Variants in RNF220 observed in about 807,000 individuals in gnomAD.
The protein encoded by RNF220 is E3 ubiquitin-protein ligase RNF220.
A neutral mutation model predicts 67.1 loss-of-function variants in RNF220; 7 were observed. That is an observed-to-expected ratio of 0.10 (90% confidence interval 0.06 to 0.20). The LOEUF (loss-of-function observed/expected upper bound fraction) is 0.20. Ranked by LOEUF, RNF220 falls within the 10% of genes least tolerant of loss-of-function variation. RNF220 has a pLI of 1.00. For missense variants in RNF220, 565 were observed against 740.3 expected (o/e 0.76, Z 2.75); for synonymous variants, 270 against 283.2 (o/e 0.95, Z 0.47).
At chr1:44,429,769 T>C (rs927850832) in intron 2 of RNF220, among the ~76,000 whole-genome samples, 2 of 152,230 alleles carry the variant, frequency 1.3e-5, no homozygotes, top group Admixed American at 1.3e-4. Flanking sequence ...TTGGTAGGCC[T>C]ATAAGGCAGC....
At chr1:44,504,345 C>T (rs1658218670) in intron 2 of RNF220, among the ~76,000 whole-genome samples, 1 of 152,170 alleles carries the variant, frequency 6.6e-6, no homozygotes, top group African/African-American at 2.4e-5. Context: ...GGCTAATCTG[C>T]CCAAGGATGT....
chr1:44,551,676 C>G (rs1174377562), intron 2 of RNF220, among the ~76,000 whole-genome samples: 1 of 152,094 alleles, frequency 6.6e-6, no homozygotes, highest in African/African-American at 2.4e-5. Flanking sequence ...ATTTGATTAG[C>G]CAAAGGGGAA....
At chr1:44,571,104 A>AT (rs1486560535) in intron 2 of RNF220, among the ~76,000 whole-genome samples, 2 of 151,922 alleles carry the variant, frequency 1.3e-5, no homozygotes, top group Admixed American at 6.6e-5. Flanking sequence ...ATCAGATTAT[A>AT]TTACTGCTCT....
intron 2 of RNF220, among the ~76,000 whole-genome samples, chr1:44,491,391 T>G (rs993425113): frequency 1.3e-5 from 2 of 152,182 alleles, no homozygotes; most frequent in African/African-American, 4.8e-5. Context: ...AAAAAAATTA[T>G]ATACTGTGAC....
Position 44,517,978 on chromosome 1 carries a change from G to A in RNF220, c.626-96187G>A, listed in dbSNP as rs148977492. Among the ~76,000 whole-genome samples, 1,250 of 152,192 alleles carry A rather than the reference G, an allele frequency of 8.2e-3. 10 individuals are homozygous for A. The highest frequency in any genetic ancestry group is 0.014 in the Non-Finnish European group (935 of 68,016). On this transcript the variant is annotated intron_variant, in intron 2 of 14. Transcript: ENST00000361799. Reference sequence around the variant, plus strand: ...AAAAATTAGCTGGGTATAGTGGTGCGCACCTGTAATTCCAGCTACTTGGGA... The same window carrying A: ...AAAAATTAGCTGGGTATAGTGGTGCACACCTGTAATTCCAGCTACTTGGGA...
intron 2 of RNF220, among the ~76,000 whole-genome samples, chr1:44,524,211 T>C (rs1460240522): frequency 1.3e-5 from 2 of 152,020 alleles, no homozygotes; most frequent in South Asian, 2.1e-4. Context: ...GTCTAGAGCC[T>C]GGTATGTGAC....
Position 44,649,891 on chromosome 1 carries a change from C to T in RNF220, c.1563C>T (p.Tyr521=), listed in dbSNP as rs756694567. 11 of 1,613,966 alleles carry T rather than the reference C, an allele frequency of 6.8e-6. No homozygotes were observed. Among genetic ancestry groups the T allele is most frequent in the Non-Finnish European group, 8.5e-6 (10 of 1,179,970 alleles). The change falls in exon 14 of 15, where the codon TAC becomes TAT. Residue 521 remains tyrosine (Y), a synonymous_variant. Transcript: ENST00000361799. The surrounding 1 kb of genome is among the most constrained non-coding windows in gnomAD (Gnocchi z 5.9). ...RYKCLICMDS[Y]SMPLTSIQCW... ...TGCCCCCTCCTCCCTAGGACTCGTA[C>T]TCGATGCCCCTAACGTCCATCCAGT...
chr1:44,550,310 G>A (rs1240836128), intron 2 of RNF220, among the ~76,000 whole-genome samples: 1 of 152,226 alleles, frequency 6.6e-6, no homozygotes, highest in Non-Finnish European at 1.5e-5. Flanking sequence ...AGAGGCAGGT[G>A]TTGGGTGGAG....
intron 4 of RNF220, 105 bp from the exon 5 acceptor site, chr1:44,626,192 C>G: frequency 1.3e-6 from 1 of 780,456 alleles, no homozygotes. Context: ...CCCTCAGCCT[C>G]CTTCTCTTTG....
At chr1:44,419,087 A>G (rs968534583) in intron 2 of RNF220, among the ~76,000 whole-genome samples, 8 of 152,238 alleles carry the variant, frequency 5.3e-5, no homozygotes, top group Non-Finnish European at 1.0e-4. Context: ...AGAGTTTAAC[A>G]GCATTTCCCA....
At chr1:44,506,691 C>T (rs1658461822) in intron 2 of RNF220, among the ~76,000 whole-genome samples, 1 of 152,242 alleles carries the variant, frequency 6.6e-6, no homozygotes, top group African/African-American at 2.4e-5. Flanking sequence ...GTTCAGAGAG[C>T]TTGGCCAAAG....
intron 5 of RNF220, 76 bp downstream of exon 5, chr1:44,626,474 C>A: frequency 9.0e-7 from 1 of 1,105,652 alleles, no homozygotes; most frequent in Non-Finnish European, 1.4e-6. Flanking sequence ...CCGGTGCTAA[C>A]TCCTCCTCTC....
Position 44,495,666 on chromosome 1 carries a change from C to G in RNF220, c.625+82944C>G, listed in dbSNP as rs146264708. Among the ~76,000 whole-genome samples, 633 of 152,316 alleles carry G rather than the reference C, an allele frequency of 4.2e-3. 9 individuals are homozygous for G. The South Asian group carries it at 0.044, about 11-fold the overall frequency. On this transcript the variant is annotated intron_variant, in intron 2 of 14. Coordinates refer to ENST00000361799, the MANE Select transcript of RNF220 (RefSeq NM_018150.4). ...GACCAGGCTGGTCTCAAACTCCTGA[C>G]CTTGTGATCTGCCCACCTTGGCCTC...
chr1:44,471,014 C>T (rs893682758), intron 2 of RNF220, among the ~76,000 whole-genome samples: 1 of 152,164 alleles, frequency 6.6e-6, no homozygotes, highest in African/African-American at 2.4e-5. Flanking sequence ...ATCACTTGAG[C>T]TCAGGCATTC....
At chr1:44,562,835 C>T (rs1663684818) in intron 2 of RNF220, among the ~76,000 whole-genome samples, 2 of 152,306 alleles carry the variant, frequency 1.3e-5, no homozygotes, top group Middle Eastern at 6.8e-3. Flanking sequence ...CTCCTCTCCC[C>T]GAAGTGTCCT....
chr1:44,482,408 A>G (rs532628038), intron 2 of RNF220, among the ~76,000 whole-genome samples: 1 of 152,272 alleles, frequency 6.6e-6, no homozygotes, highest in South Asian at 2.1e-4. Context: ...GAAGACTGAT[A>G]CTAACTCCAG....
intron 2 of RNF220, among the ~76,000 whole-genome samples, chr1:44,562,368 G>C (rs1479437880): frequency 6.6e-6 from 1 of 152,182 alleles, no homozygotes; most frequent in Non-Finnish European, 1.5e-5. Context: ...CCATGTGTCA[G>C]GGCCCGCTTG....
At chr1:44,431,448 T>C (rs1650359413) in intron 2 of RNF220, among the ~76,000 whole-genome samples, 3 of 145,328 alleles carry the variant, frequency 2.1e-5, no homozygotes, top group East Asian at 2.0e-4. Flanking sequence ...GCCGAGATCA[T>C]GCCACTGCAC....
chr1:44,572,760 C>T (rs1229195317), intron 2 of RNF220, among the ~76,000 whole-genome samples: 1 of 152,090 alleles, frequency 6.6e-6, no homozygotes. Context: ...CAGCTGCTGC[C>T]GCTAAGGATT....
Sources: allele counts gnomAD v4.1 joint callset (sites outside exome capture counted in the v4.1 genomes callset), GRCh38; gene constraint gnomAD v4.1.1; non-coding constraint Gnocchi (gnomAD v3.1); transcripts MANE v1.5; gene names NCBI Gene and HGNC (gene_info 2026-07-23, HGNC 2026-07-21).